RNF13: variants seen among roughly 807,000 people sequenced by gnomAD.
RNF13 encodes E3 ubiquitin-protein ligase RNF13.
RNF13 carries 19 observed loss-of-function variants against 37.7 expected under a neutral mutation model. The observed-to-expected ratio is 0.50, with a 90% CI of 0.35 to 0.74. RNF13 has a LOEUF of 0.74. RNF13 is among the 30% of genes least tolerant of loss of function. RNF13 has a pLI of 0.01. For missense variants in RNF13, 375 were observed against 453.0 expected (o/e 0.83, Z 1.56); for synonymous variants, 144 against 157.8 (o/e 0.91, Z 0.65).
chr3:149,851,243 T>C (rs1318967234), intron 2 of RNF13: 4 of 152,202 alleles, frequency 2.6e-5, no homozygotes, highest in African/African-American at 9.7e-5. Context: ...CTGCTGACAG[T>C]GTGGTATGGT....
At chr3:149,822,505 T>C (rs1720083992) in intron 1 of RNF13, 1 of 152,138 alleles carries the variant, frequency 6.6e-6, no homozygotes, top group South Asian at 2.1e-4. Flanking sequence ...ACTTTCTTTT[T>C]TCCATGTGCA....
intron 1 of RNF13, among the ~76,000 whole-genome samples, chr3:149,831,561 C>G (rs1465601488): frequency 6.6e-6 from 1 of 152,176 alleles, no homozygotes; most frequent in East Asian, 1.9e-4. Context: ...CTCATTGTAT[C>G]TAGGAAATAA....
chr3:149,912,139 CATTGT>C (rs1251122191), intron 7 of RNF13, 56 bp downstream of exon 7: 1 of 824,598 alleles, frequency 1.2e-6, no homozygotes, highest in African/African-American at 1.7e-5. Flanking sequence ...AATCTAAAAA[CATTGT>C]ATTGAGTGAG....
At chr3:149,948,483 T>C (rs1720996659) in intron 8 of RNF13, among the ~76,000 whole-genome samples, 1 of 152,218 alleles carries the variant, frequency 6.6e-6, no homozygotes, top group Non-Finnish European at 1.5e-5. Context: ...GATTCCCTTA[T>C]TTCCCTTTGT....
At chr3:149,853,695 T>G (rs2108394093) in intron 3 of RNF13, among the ~76,000 whole-genome samples, 1 of 152,014 alleles carries the variant, frequency 6.6e-6, no homozygotes, top group African/African-American at 2.4e-5. Flanking sequence ...AAAATTCTTC[T>G]TTTTCCTCTA....
chr3:149,840,096 C>G (rs1722020928), intron 1 of RNF13, among the ~76,000 whole-genome samples: 1 of 152,040 alleles, frequency 6.6e-6, no homozygotes, highest in Non-Finnish European at 1.5e-5. Flanking sequence ...AACAGTTTCG[C>G]AAGAATACAT....
chr3:149,874,027 G>C (rs1292861989), intron 4 of RNF13, among the ~76,000 whole-genome samples: 1 of 152,124 alleles, frequency 6.6e-6, no homozygotes, highest in African/African-American at 2.4e-5. Flanking sequence ...GAAAAACATG[G>C]AAGAAGTTTT....
chr3:149,859,559 C>T (rs1056294189), intron 3 of RNF13, among the ~76,000 whole-genome samples: 1 of 152,110 alleles, frequency 6.6e-6, no homozygotes, highest in African/African-American at 2.4e-5. Flanking sequence ...TCAACACACT[C>T]CCTTCATTTT....
In RNF13 at chr3:149,860,271, ATATAT is replaced by A. The variant is rs375570326; in HGVS notation, c.195+7676_195+7680del. On this transcript the variant is annotated intron_variant, in intron 3 of 9. Transcript: ENST00000392894. Reference sequence around the variant, plus strand: ...AGACTCCATCTAAAAAAAAAAAAAAATATATATATATATATATATATATATATATA... The same window carrying A: ...AGACTCCATCTAAAAAAAAAAAAAAAATATATATATATATATATATATATA... Among the ~76,000 whole-genome samples, 538 of 81,952 alleles carry A rather than the reference ATATAT, an allele frequency of 6.6e-3. 6 individuals are homozygous for A. The highest frequency in any genetic ancestry group is 9.1e-3 in the Middle Eastern group (1 of 110). The allele number at this position is 81,952 out of a possible 152,430, so 53.8% of individuals were successfully genotyped here.
intron 1 of RNF13, among the ~76,000 whole-genome samples, chr3:149,844,755 C>CAAA (rs1559902009): frequency 7.5e-4 from 114 of 152,170 alleles, no homozygotes; most frequent in African/African-American, 2.5e-3. Flanking sequence ...CAAATCTAGA[C>CAAA]ATTTAAAAAA....
chr3:149,847,691 A>G (rs1340999429), intron 2 of RNF13, among the ~76,000 whole-genome samples: 2 of 152,172 alleles, frequency 1.3e-5, no homozygotes, highest in South Asian at 4.1e-4. Flanking sequence ...TCCCTTCTAA[A>G]TTGGTCCCTA....
chr3:149,880,491 G>A (rs1713261692), intron 4 of RNF13, among the ~76,000 whole-genome samples: 2 of 151,968 alleles, frequency 1.3e-5, no homozygotes, highest in South Asian at 2.1e-4. Flanking sequence ...AACTGGTGTG[G>A]TTCATTACAA....
chr3:149,947,692 A>T (rs111780788), intron 8 of RNF13, among the ~76,000 whole-genome samples: 2,182 of 151,670 alleles, frequency 0.014, 22 homozygotes, highest in Non-Finnish European at 0.022. Flanking sequence ...GAGCCACCGC[A>T]CCTGGCCATC....
chr3:149,828,674 C>G (rs1480018489), intron 1 of RNF13, among the ~76,000 whole-genome samples: 1 of 152,156 alleles, frequency 6.6e-6, no homozygotes, highest in African/African-American at 2.4e-5. Flanking sequence ...CACTCTCTCT[C>G]TCTCTTTTTT....
intron 8 of RNF13, among the ~76,000 whole-genome samples, chr3:149,947,820 C>T (rs1299229402): frequency 5.3e-5 from 8 of 152,006 alleles, no homozygotes; most frequent in Non-Finnish European, 8.8e-5. Context: ...ATAATGCCCC[C>T]GTTTTTCTCT....
chr3:149,925,357 C>T (rs1718533899), intron 8 of RNF13, among the ~76,000 whole-genome samples: 1 of 152,070 alleles, frequency 6.6e-6, no homozygotes, highest in South Asian at 2.1e-4. Flanking sequence ...TGTTATGTTC[C>T]CTTCTAGATA....
chr3:149,894,602 C>T (rs991532565), intron 4 of RNF13, among the ~76,000 whole-genome samples: 4 of 152,072 alleles, frequency 2.6e-5, no homozygotes, highest in African/African-American at 9.7e-5. Context: ...GTGGAATGCT[C>T]ATAAGGTAAT....
intron 1 of RNF13, among the ~76,000 whole-genome samples, chr3:149,818,834 C>T (rs1378160413): frequency 6.6e-6 from 1 of 152,106 alleles, no homozygotes; most frequent in Non-Finnish European, 1.5e-5. Context: ...TTGCTTGTAC[C>T]TGGGAGGCGG....
intron 9 of RNF13, among the ~76,000 whole-genome samples, chr3:149,960,510 T>G (rs1168533928): frequency 6.6e-6 from 1 of 151,924 alleles, no homozygotes; most frequent in Non-Finnish European, 1.5e-5. Flanking sequence ...GACAATGGCG[T>G]GAACCCAGGA....
Sources: allele counts gnomAD v4.1 joint callset (sites outside exome capture counted in the v4.1 genomes callset), GRCh38; gene constraint gnomAD v4.1.1; transcripts MANE v1.5; gene names NCBI Gene and HGNC (gene_info 2026-07-23, HGNC 2026-07-21).